The following CDK6 variants were observed in gnomAD, a reference collection of about 807,000 sequenced individuals.
CDK6 encodes the protein cyclin-dependent kinase 6.
CDK6 carries 6 observed loss-of-function variants against 37.1 expected under a neutral mutation model. The observed-to-expected ratio is 0.16, with a 90% CI of 0.09 to 0.32. CDK6 has a LOEUF of 0.32. Among genes scored for constraint, CDK6 ranks in the 10% least tolerant of loss-of-function variants. The probability of loss-of-function intolerance (pLI) is 1.00; values close to 1 mark genes in which losing one functional copy is unlikely to be tolerated. For synonymous variants in CDK6, 160 were observed against 161.3 expected, an observed-to-expected ratio of 0.99 and a Z score of 0.06; for missense variants, 224 against 418.9, an observed-to-expected ratio of 0.53 and a Z score of 4.06.
chr7:92,712,296 C>T (rs1386597207), intron 4 of CDK6, among the ~76,000 whole-genome samples: 1 of 152,134 alleles, frequency 6.6e-6, no homozygotes, highest in African/African-American at 2.4e-5. Flanking sequence ...GGCTATTTCT[C>T]TCTAAAAAAT....
At chr7:92,729,410 T>A (rs1026161826) in intron 3 of CDK6, among the ~76,000 whole-genome samples, 1 of 152,238 alleles carries the variant, frequency 6.6e-6, no homozygotes, top group Non-Finnish European at 1.5e-5. Context: ...CAGTCTGGTA[T>A]AAAAAGTTTG....
intron 4 of CDK6, among the ~76,000 whole-genome samples, chr7:92,679,662 T>A (rs1243311094): frequency 6.6e-6 from 1 of 152,230 alleles, no homozygotes; most frequent in Non-Finnish European, 1.5e-5. Context: ...AGTATGGTTG[T>A]GTGAAGTGAA....
At chr7:92,694,102 G>C (rs770048779) in intron 4 of CDK6, among the ~76,000 whole-genome samples, 2 of 152,134 alleles carry the variant, frequency 1.3e-5, no homozygotes, top group Non-Finnish European at 2.9e-5. Context: ...TGGACTAAGG[G>C]AAAGAGTCCT....
chr7:92,734,329 C>T (rs917225981), intron 3 of CDK6, among the ~76,000 whole-genome samples: 1 of 152,158 alleles, frequency 6.6e-6, no homozygotes, highest in African/African-American at 2.4e-5. Flanking sequence ...TCAAATCCAT[C>T]TTGTACTCTC....
At chr7:92,772,492 A>G (rs1382367011) in intron 3 of CDK6, among the ~76,000 whole-genome samples, 2 of 151,984 alleles carry the variant, frequency 1.3e-5, no homozygotes, top group Non-Finnish European at 2.9e-5. Context: ...TTCAACACGG[A>G]ATGAAGTGAC....
At chr7:92,618,036 C>A in intron 7 of CDK6, 36 bp downstream of exon 7, 1 of 1,607,970 alleles carries the variant, frequency 6.2e-7, no homozygotes, top group Non-Finnish European at 8.5e-7. Context: ...GTCTCACTGG[C>A]ACAGTGCAGA....
chr7:92,690,527 T>C (rs751200522), intron 4 of CDK6, among the ~76,000 whole-genome samples: 32 of 152,204 alleles, frequency 2.1e-4, no homozygotes, highest in Admixed American at 5.2e-4. Flanking sequence ...CGTAGCCCTG[T>C]AGTATAGTTT....
chr7:92,633,566 AG>A (rs900227491), intron 5 of CDK6, among the ~76,000 whole-genome samples: 2 of 151,800 alleles, frequency 1.3e-5, no homozygotes, highest in African/African-American at 4.8e-5. Flanking sequence ...GACTCATCAG[AG>A]GAAGTTCTTA....
chr7:92,772,407 G>A (rs1019526547), intron 3 of CDK6, among the ~76,000 whole-genome samples: 4 of 151,718 alleles, frequency 2.6e-5, no homozygotes, highest in South Asian at 2.1e-4. Context: ...ACTCCACCTC[G>A]TATCTGACAA....
At chr7:92,666,237 C>T (rs912008754) in intron 5 of CDK6, among the ~76,000 whole-genome samples, 6 of 152,194 alleles carry the variant, frequency 3.9e-5, no homozygotes, top group Admixed American at 3.9e-4. Context: ...TGTCATTATA[C>T]CCACTCACAG....
chr7:92,620,145 C>T (rs1198568565), intron 6 of CDK6, among the ~76,000 whole-genome samples: 1 of 152,132 alleles, frequency 6.6e-6, no homozygotes, highest in Non-Finnish European at 1.5e-5. Flanking sequence ...AATGTATCTA[C>T]ATCTAATTAC....
At chr7:92,759,217 G>C (rs944941884) in intron 3 of CDK6, among the ~76,000 whole-genome samples, 1 of 152,124 alleles carries the variant, frequency 6.6e-6, no homozygotes. Context: ...TGGCTTTCCT[G>C]TGGCAAGTAA....
At chr7:92,829,022 C>T (rs1390248415) in intron 2 of CDK6, among the ~76,000 whole-genome samples, 9 of 152,150 alleles carry the variant, frequency 5.9e-5, no homozygotes, top group African/African-American at 1.9e-4. Flanking sequence ...TATTCAACCA[C>T]ACAAATAGCA....
chr7:92,626,647 T>C (rs918421868), intron 5 of CDK6, among the ~76,000 whole-genome samples: 3 of 151,996 alleles, frequency 2.0e-5, no homozygotes, highest in East Asian at 3.9e-4. Context: ...GGGAAGTCAG[T>C]GTACAAGTAA....
In CDK6 at chr7:92,657,561, A is replaced by AT. The variant is rs1372795037; in HGVS notation, c.647+13864dup. 5.9e-5 allele frequency among the ~76,000 whole-genome samples: 9 copies of AT among 151,762 alleles called. No homozygotes were observed. The East Asian group carries it at 1.2e-3, about 20-fold the overall frequency. On this transcript the variant is annotated intron_variant, in intron 5 of 7. Coordinates refer to ENST00000424848, the MANE Select transcript of CDK6 (RefSeq NM_001145306.2). ...ACTGCTTGGGATGTGATCTGAGATA[A>AT]TTTTTTTTTAACTGACAAAATGAGG...
At chr7:92,702,357 C>T (rs770141155) in intron 4 of CDK6, among the ~76,000 whole-genome samples, 13 of 149,968 alleles carry the variant, frequency 8.7e-5, no homozygotes, top group East Asian at 3.9e-4. Context: ...CTTAGCCTCC[C>T]GAGTAGCTGG....
chr7:92,681,936 C>T (rs1244008087), intron 4 of CDK6, among the ~76,000 whole-genome samples: 1 of 152,190 alleles, frequency 6.6e-6, no homozygotes, highest in East Asian at 1.9e-4. Flanking sequence ...ACCAGTATCT[C>T]AAATTCAAAA....
Position 92,606,616 on chromosome 7 carries a change from C to A in CDK6, c.*8524G>T, listed in dbSNP as rs1795434650. 4.4e-6 allele frequency: 1 copy of A among 228,176 alleles called. No individual in the cohort carries two copies. The allele number at this position is 228,176 out of a possible 1,614,324, so 14.1% of individuals were successfully genotyped here. Reference sequence around the variant, plus strand: ...CCATGATTTCAAACACAGAAACTAACAAGTCAAATTTCCAAATTAGATTTT... The same window carrying A: ...CCATGATTTCAAACACAGAAACTAAAAAGTCAAATTTCCAAATTAGATTTT... On this transcript the variant is annotated 3_prime_UTR_variant, in exon 8 of 8. Coordinates refer to ENST00000424848, the MANE Select transcript of CDK6 (RefSeq NM_001145306.2).
chr7:92,686,213 G>T (rs1361765181), intron 4 of CDK6, among the ~76,000 whole-genome samples: 2 of 151,950 alleles, frequency 1.3e-5, no homozygotes, highest in Non-Finnish European at 2.9e-5. Flanking sequence ...GGTGATTTCT[G>T]ATTTTGGTGC....
Sources: allele counts gnomAD v4.1 joint callset (sites outside exome capture counted in the v4.1 genomes callset), GRCh38; gene constraint gnomAD v4.1.1; transcripts MANE v1.5; gene names NCBI Gene and HGNC (gene_info 2026-07-23, HGNC 2026-07-21).